The following FGF12 variants were observed in gnomAD, a reference collection of about 807,000 sequenced individuals.
FGF12 encodes the protein fibroblast growth factor 12.
FGF12 carries 14 observed loss-of-function variants against 23.6 expected under a neutral mutation model. The observed-to-expected ratio is 0.59, with a 90% CI of 0.39 to 0.93. FGF12 has a LOEUF of 0.93. Among genes scored for constraint, FGF12 ranks in the 40% least tolerant of loss-of-function variants. The pLI, the probability that FGF12 is intolerant of heterozygous loss-of-function variation, is 0.00. For missense variants in FGF12, 175 were observed against 217.8 expected (o/e 0.80, Z 1.24); for synonymous variants, 62 against 77.3 (o/e 0.80, Z 1.04).
intron 2 of FGF12, among the ~76,000 whole-genome samples, chr3:192,398,167 T>G (rs1285170841): frequency 1.3e-5 from 2 of 152,206 alleles, no homozygotes; most frequent in Non-Finnish European, 2.9e-5. Context: ...ACTGACATTT[T>G]AGACAGATTT....
chr3:192,686,630 A>G (rs2108714205), intron 2 of FGF12, among the ~76,000 whole-genome samples: 1 of 152,158 alleles, frequency 6.6e-6, no homozygotes, highest in East Asian at 1.9e-4. Flanking sequence ...GAAAAACAGA[A>G]GTTATTTGGA....
chr3:192,621,932 A>G (rs1484554141), intron 2 of FGF12, among the ~76,000 whole-genome samples: 1 of 152,170 alleles, frequency 6.6e-6, no homozygotes, highest in Non-Finnish European at 1.5e-5. Flanking sequence ...GAAGTCAAAT[A>G]ATGCCAGATG....
intron 2 of FGF12, among the ~76,000 whole-genome samples, chr3:192,653,280 A>T (rs1429469133): frequency 6.6e-6 from 1 of 152,194 alleles, no homozygotes; most frequent in Non-Finnish European, 1.5e-5. Flanking sequence ...GTGACGAGAA[A>T]TAAGTCATAG....
chr3:192,520,350 GT>G (rs1415942628), intron 2 of FGF12, among the ~76,000 whole-genome samples: 1 of 152,012 alleles, frequency 6.6e-6, no homozygotes, highest in Non-Finnish European at 1.5e-5. Context: ...CCTGACTTCC[GT>G]TATTTATAAT....
At chr3:192,517,875 A>G (rs554714362) in intron 2 of FGF12, among the ~76,000 whole-genome samples, 5 of 152,278 alleles carry the variant, frequency 3.3e-5, no homozygotes, top group African/African-American at 9.6e-5. Flanking sequence ...CACTTCCACA[A>G]TTAGGCACAC....
intron 2 of FGF12, among the ~76,000 whole-genome samples, chr3:192,601,028 C>T (rs999204855): frequency 3.9e-5 from 6 of 152,008 alleles, no homozygotes; most frequent in Admixed American, 1.3e-4. Context: ...TTCACAATAG[C>T]CAAAATATGG....
intron 2 of FGF12, among the ~76,000 whole-genome samples, chr3:192,411,198 A>G (rs1016626202): frequency 2.0e-5 from 3 of 152,166 alleles, no homozygotes; most frequent in Non-Finnish European, 2.9e-5. Context: ...TCACTTGGGC[A>G]ATAAGAAGGA....
intron 2 of FGF12, among the ~76,000 whole-genome samples, chr3:192,530,126 TG>T: frequency 6.6e-6 from 1 of 151,788 alleles, no homozygotes. Context: ...CTCTCCATCC[TG>T]TTTTTTTTTT....
intron 2 of FGF12, among the ~76,000 whole-genome samples, chr3:192,496,604 A>C (rs1723965264): frequency 6.6e-6 from 1 of 152,052 alleles, no homozygotes; most frequent in Non-Finnish European, 1.5e-5. Flanking sequence ...TTAGAGAAAG[A>C]TTTTTCCATA....
rs530920298 is a variant in FGF12, at chr3:192,378,224, C to T, written c.14-17686G>A. 4.5e-4 allele frequency among the ~76,000 whole-genome samples: 68 copies of T among 149,650 alleles called. No individual in the cohort carries two copies. The South Asian group carries it at 7.9e-3, about 17-fold the overall frequency. ...CTCCTGAGCTCAGGAGATTCTCCCG[C>T]CTTAGCCTCCTGAGTAGCTGGGACT... On this transcript the variant is annotated intron_variant, in intron 2 of 5. Coordinates refer to ENST00000445105, the MANE Select transcript of FGF12 (RefSeq NM_004113.6).
At position 192,598,418 on chromosome 3, in the gene FGF12, A is replaced by G. The variant is rs115236791; in HGVS notation, c.13+128763T>C. On this transcript the variant is annotated intron_variant, in intron 2 of 5. Transcript: ENST00000445105. Reference sequence around the variant, plus strand: ...TAATTTATAATAATTCTGGGTGTGTATTAGTGCTAGCAAGTGTGATAAGCA... The same window carrying G: ...TAATTTATAATAATTCTGGGTGTGTGTTAGTGCTAGCAAGTGTGATAAGCA... Among the ~76,000 whole-genome samples, 1,065 of 152,248 alleles carry G rather than the reference A, an allele frequency of 7.0e-3. 11 individuals are homozygous for G. The highest frequency in any genetic ancestry group is 0.025 in the African/African-American group (1,037 of 41,534).
intron 4 of FGF12, among the ~76,000 whole-genome samples, chr3:192,172,162 G>A (rs1715604414): frequency 1.4e-5 from 2 of 140,576 alleles, no homozygotes; most frequent in Non-Finnish European, 3.2e-5. Context: ...GTTGAGGTAA[G>A]CAGATCATTT....
chr3:192,301,655 G>A (rs536273065), intron 4 of FGF12, among the ~76,000 whole-genome samples: 2 of 152,290 alleles, frequency 1.3e-5, no homozygotes, highest in South Asian at 4.1e-4. Flanking sequence ...TGTAAGATGA[G>A]CACAAATTGG....
intron 2 of FGF12, among the ~76,000 whole-genome samples, chr3:192,460,768 T>C (rs1243002903): frequency 6.6e-6 from 1 of 151,742 alleles, no homozygotes; most frequent in Non-Finnish European, 1.5e-5. Context: ...TCTTATATAT[T>C]ATTTAATTTG....
intron 4 of FGF12, among the ~76,000 whole-genome samples, chr3:192,294,416 A>G (rs1291175063): frequency 1.3e-5 from 2 of 152,102 alleles, no homozygotes; most frequent in Admixed American, 1.3e-4. Context: ...AGGAGTTAGG[A>G]TTTCAACATA....
chr3:192,707,102 T>G (rs1383180444), intron 2 of FGF12, among the ~76,000 whole-genome samples: 1 of 152,206 alleles, frequency 6.6e-6, no homozygotes, highest in African/African-American at 2.4e-5. Flanking sequence ...TTGAGGAAAC[T>G]GAAACATCTC....
intron 2 of FGF12, among the ~76,000 whole-genome samples, chr3:192,541,564 C>T (rs192622492): frequency 6.6e-6 from 1 of 152,102 alleles, no homozygotes; most frequent in East Asian, 1.9e-4. Context: ...GTTTACACAT[C>T]AAAATTATGG....
intron 2 of FGF12, among the ~76,000 whole-genome samples, chr3:192,481,052 AC>A (rs1487928125): frequency 2.6e-5 from 4 of 152,194 alleles, no homozygotes; most frequent in Non-Finnish European, 4.4e-5. Flanking sequence ...TTCTAAAAAA[AC>A]ATGCTGAATT....
At chr3:192,624,244 C>A (rs1387589151) in intron 2 of FGF12, among the ~76,000 whole-genome samples, 1 of 151,772 alleles carries the variant, frequency 6.6e-6, no homozygotes, top group Non-Finnish European at 1.5e-5. Context: ...AATAAAATCC[C>A]TATTAAAATA....
Sources: gnomAD v4.1 joint callset for allele counts (sites outside exome capture counted in the v4.1 genomes callset) on GRCh38, gnomAD v4.1.1 for gene constraint, MANE v1.5 for transcripts, NCBI Gene and HGNC (gene_info 2026-07-23, HGNC 2026-07-21) for gene names.